The following MALL variants were observed in gnomAD, a reference collection of about 807,000 sequenced individuals.
MALL encodes mal, T cell differentiation protein like.
In MALL, 2 loss-of-function variants were observed where a neutral mutation model predicts 10.3. The observed-to-expected ratio is 0.19, with a 90% CI of 0.08 to 0.61. The LOEUF (loss-of-function observed/expected upper bound fraction) is 0.61, where lower values mean the gene tolerates loss of function less well. Among genes scored for constraint, MALL ranks in the 20% least tolerant of loss-of-function variants. The probability of loss-of-function intolerance (pLI) is 0.88; values close to 1 mark genes in which losing one functional copy is unlikely to be tolerated. For synonymous variants in MALL, 27 were observed against 51.8 expected, an observed-to-expected ratio of 0.52 and a Z score of 2.05; for missense variants, 39 against 115.2, an observed-to-expected ratio of 0.34 and a Z score of 3.03.
At chr2:110,115,294 C>A (rs1678883074) in intron 1 of MALL, among the ~76,000 whole-genome samples, 1 of 152,160 alleles carries the variant, frequency 6.6e-6, no homozygotes, top group African/African-American at 2.4e-5. Context: ...CCTGGGAAGC[C>A]TGGATATTTT....
intron 1 of MALL, among the ~76,000 whole-genome samples, chr2:110,109,244 T>C (rs1484102253): frequency 6.6e-6 from 1 of 152,122 alleles, no homozygotes; most frequent in Admixed American, 6.5e-5. Flanking sequence ...AATGATCCAC[T>C]TAAAAGACAC....
At chr2:110,104,451 T>C (rs573619680) in intron 1 of MALL, among the ~76,000 whole-genome samples, 1 of 152,306 alleles carries the variant, frequency 6.6e-6, no homozygotes, top group Admixed American at 6.5e-5. Flanking sequence ...AGGGGCCATG[T>C]CTGTCTTGTT....
intron 1 of MALL, among the ~76,000 whole-genome samples, chr2:110,096,508 G>A (rs892279247): frequency 3.3e-5 from 5 of 151,982 alleles, no homozygotes; most frequent in African/African-American, 4.8e-5. Context: ...CATTTGGAAC[G>A]GCACAGAGGG....
At chr2:110,101,215 G>A (rs562989396) in intron 1 of MALL, among the ~76,000 whole-genome samples, 1 of 152,270 alleles carries the variant, frequency 6.6e-6, no homozygotes, top group East Asian at 1.9e-4. Context: ...AAAAGGCAGA[G>A]GGGCATCCTC....
chr2:110,108,125 G>T (rs551422471), intron 1 of MALL, among the ~76,000 whole-genome samples: 1 of 152,188 alleles, frequency 6.6e-6, no homozygotes, highest in Admixed American at 6.5e-5. Flanking sequence ...ACGAAACAAG[G>T]ATCTTCAATA....
In MALL at chr2:110,102,349, A is replaced by G. The variant is rs533629017; in HGVS notation, c.106-10579T>C. 1.9e-3 allele frequency among the ~76,000 whole-genome samples: 221 copies of G among 117,702 alleles called. 1 individual carries two copies. The highest frequency in any genetic ancestry group is 4.8e-3 in the Middle Eastern group (1 of 210). 77.2% of individuals were successfully genotyped at this position (117,702 alleles called of 152,430 possible). Reference sequence around the variant, plus strand: ...AGTCCCCCAGCATACCTCCCCTAGGATCACTCTCCACTGTCATTGTCTCTC... The same window carrying G: ...AGTCCCCCAGCATACCTCCCCTAGGGTCACTCTCCACTGTCATTGTCTCTC... On this transcript the variant is annotated intron_variant, in intron 1 of 3. Transcript: ENST00000272462.
At chr2:110,114,856 C>A (rs1297489184) in intron 1 of MALL, among the ~76,000 whole-genome samples, 1 of 152,026 alleles carries the variant, frequency 6.6e-6, no homozygotes, top group Non-Finnish European at 1.5e-5. Context: ...GAAAACACTC[C>A]TTTGCCTTGA....
intron 1 of MALL, among the ~76,000 whole-genome samples, chr2:110,114,614 C>T (rs1678870585): frequency 6.6e-6 from 1 of 151,620 alleles, no homozygotes; most frequent in Admixed American, 6.6e-5. Context: ...ATCCTAGGCC[C>T]ACCCTGCCTG....
intron 1 of MALL, among the ~76,000 whole-genome samples, chr2:110,096,345 G>A (rs1678439864): frequency 6.6e-6 from 1 of 152,130 alleles, no homozygotes; most frequent in Non-Finnish European, 1.5e-5. Flanking sequence ...AGCTCTGCCT[G>A]GTGGGTAGGT....
chr2:110,104,877 G>C (rs1228718938), intron 1 of MALL, among the ~76,000 whole-genome samples: 2 of 152,194 alleles, frequency 1.3e-5, no homozygotes, highest in African/African-American at 4.8e-5. Context: ...CATGGGGCTA[G>C]AGTGGCAGTA....
At chr2:110,095,226 A>G (rs1678416349) in intron 1 of MALL, among the ~76,000 whole-genome samples, 1 of 152,134 alleles carries the variant, frequency 6.6e-6, no homozygotes, top group African/African-American at 2.4e-5. Flanking sequence ...TGGCTTTCCA[A>G]ATTTCCTGGT....
chr2:110,105,115 C>T (rs536189290), intron 1 of MALL, among the ~76,000 whole-genome samples: 14 of 152,276 alleles, frequency 9.2e-5, no homozygotes, highest in Admixed American at 3.3e-4. Flanking sequence ...GATGAAACTG[C>T]GGCTGAGAGT....
At chr2:110,096,854 A>G (rs1196840384) in intron 1 of MALL, among the ~76,000 whole-genome samples, 1 of 151,520 alleles carries the variant, frequency 6.6e-6, no homozygotes, top group African/African-American at 2.4e-5. Context: ...CAACGACTCT[A>G]TTATTTTGGC....
chr2:110,100,128 T>C (rs1271281116), intron 1 of MALL, among the ~76,000 whole-genome samples: 2 of 152,050 alleles, frequency 1.3e-5, no homozygotes, highest in Non-Finnish European at 2.9e-5. Context: ...TGGCAAACTA[T>C]GAGTGAGACT....
At chr2:110,097,621 A>C (rs1416828080) in intron 1 of MALL, 1 of 448,840 alleles carries the variant, frequency 2.2e-6, no homozygotes, top group Admixed American at 2.4e-5. Flanking sequence ...ACCGTGAAGG[A>C]TATGTCAAAA....
intron 1 of MALL, among the ~76,000 whole-genome samples, chr2:110,104,745 C>G (rs942933922): frequency 6.6e-6 from 1 of 152,186 alleles, no homozygotes; most frequent in Non-Finnish European, 1.5e-5. Flanking sequence ...TCACCTGTCT[C>G]CTGTCCTGGA....
intron 1 of MALL, among the ~76,000 whole-genome samples, chr2:110,103,325 G>C (rs1464759008): frequency 1.3e-5 from 2 of 152,132 alleles, no homozygotes; most frequent in East Asian, 3.9e-4. Flanking sequence ...GTGACTGAGG[G>C]ACAGGCTGGT....
chr2:110,110,539 C>G (rs773669044), intron 1 of MALL, among the ~76,000 whole-genome samples: 1 of 151,992 alleles, frequency 6.6e-6, no homozygotes, highest in East Asian at 1.9e-4. Context: ...ATACACTAAA[C>G]AGATCAATAA....
At chr2:110,110,088 C>T (rs986917429) in intron 1 of MALL, among the ~76,000 whole-genome samples, 3 of 151,878 alleles carry the variant, frequency 2.0e-5, no homozygotes, top group Non-Finnish European at 4.4e-5. Flanking sequence ...GAGGAAAGTT[C>T]ATAGCCCTAA....
Sources: gnomAD v4.1 joint callset for allele counts (sites outside exome capture counted in the v4.1 genomes callset) on GRCh38, gnomAD v4.1.1 for gene constraint, MANE v1.5 for transcripts, NCBI Gene and HGNC (gene_info 2026-07-23, HGNC 2026-07-21) for gene names.